DPP10: variants seen among roughly 807,000 people sequenced by gnomAD.
DPP10 encodes the protein dipeptidyl peptidase like 10.
A neutral mutation model predicts 120.9 loss-of-function variants in DPP10; 33 were observed. The observed-to-expected ratio is 0.27, with a 90% CI of 0.21 to 0.37. DPP10 has a LOEUF of 0.37. Ranked by LOEUF, DPP10 falls within the 10% of genes least tolerant of loss-of-function variation. The pLI, the probability that DPP10 is intolerant of heterozygous loss-of-function variation, is 1.00. For synonymous variants in DPP10, 337 were observed against 326.1 expected (o/e 1.03, Z -0.36); for missense variants, 816 against 942.8 (o/e 0.87, Z 1.76).
chr2:114,741,794 C>T (rs1284656725), intron 1 of DPP10, among the ~76,000 whole-genome samples: 1 of 152,088 alleles, frequency 6.6e-6, no homozygotes, highest in Non-Finnish European at 1.5e-5. Flanking sequence ...TGTCACAAGC[C>T]ACGGGGTGCC....
intron 7 of DPP10, among the ~76,000 whole-genome samples, chr2:115,718,431 A>G (rs1434802095): frequency 6.6e-6 from 1 of 152,212 alleles, no homozygotes; most frequent in East Asian, 1.9e-4. Flanking sequence ...AGAACCATGA[A>G]AAAAGTTATC....
intron 1 of DPP10, among the ~76,000 whole-genome samples, chr2:115,205,567 C>T (rs2056064580): frequency 6.6e-6 from 1 of 152,116 alleles, no homozygotes; most frequent in Non-Finnish European, 1.5e-5. Flanking sequence ...ACCAAAAAGA[C>T]ACGTGCATAT....
chr2:115,284,830 C>T (rs1339415921), intron 1 of DPP10, among the ~76,000 whole-genome samples: 2 of 151,906 alleles, frequency 1.3e-5, no homozygotes, highest in Non-Finnish European at 2.9e-5. Context: ...TCTACTTTAT[C>T]CTCTGGATTA....
intron 1 of DPP10, among the ~76,000 whole-genome samples, chr2:115,085,989 A>T (rs758087376): frequency 1.3e-4 from 19 of 151,928 alleles, no homozygotes; most frequent in African/African-American, 3.4e-4. Context: ...TTCCAATCTG[A>T]CTCTGGCATA....
At chr2:114,445,825 A>G (rs1677911756) in intron 1 of DPP10, among the ~76,000 whole-genome samples, 1 of 152,146 alleles carries the variant, frequency 6.6e-6, no homozygotes, top group Non-Finnish European at 1.5e-5. Flanking sequence ...TTTGGCAGGT[A>G]TGTTCCTATC....
chr2:114,900,694 T>G (rs1487887809), intron 1 of DPP10, among the ~76,000 whole-genome samples: 1 of 152,222 alleles, frequency 6.6e-6, no homozygotes, highest in African/African-American at 2.4e-5. Context: ...CAGAAGTCCC[T>G]AATTTTAATA....
intron 1 of DPP10, among the ~76,000 whole-genome samples, chr2:114,641,143 CGGT>C (rs949679126): frequency 4.9e-4 from 75 of 152,044 alleles, no homozygotes; most frequent in African/African-American, 1.6e-3. Context: ...AACAATAAAA[CGGT>C]GGCTCAGAGA....
intron 1 of DPP10, among the ~76,000 whole-genome samples, chr2:114,892,210 C>T (rs1208735209): frequency 6.6e-6 from 1 of 152,120 alleles, no homozygotes; most frequent in Admixed American, 6.5e-5. Flanking sequence ...GACTACACAC[C>T]ACACAAGGAT....
intron 1 of DPP10, among the ~76,000 whole-genome samples, chr2:115,093,036 C>G (rs992796819): frequency 6.6e-6 from 1 of 152,072 alleles, no homozygotes; most frequent in Non-Finnish European, 1.5e-5. Context: ...TTTTGCCACC[C>G]ATTAAGATAA....
chr2:115,743,756 CAAATA>C (rs1677593252), intron 9 of DPP10, among the ~76,000 whole-genome samples: 1 of 150,048 alleles, frequency 6.7e-6, no homozygotes, highest in African/African-American at 2.4e-5. Flanking sequence ...CAAAATAAGA[CAAATA>C]AAATGATACT....
At chr2:115,381,721 G>C (rs917121587) in intron 3 of DPP10, among the ~76,000 whole-genome samples, 11 of 152,128 alleles carry the variant, frequency 7.2e-5, no homozygotes, top group African/African-American at 2.7e-4. Flanking sequence ...TGATCTACAG[G>C]TGGGTTTTTG....
intron 3 of DPP10, among the ~76,000 whole-genome samples, chr2:115,359,718 T>A (rs1461513767): frequency 1.3e-5 from 2 of 152,160 alleles, no homozygotes; most frequent in African/African-American, 4.8e-5. Context: ...TTTTCCAAGT[T>A]GCTTACTCTC....
At chr2:115,777,986 T>G (rs927204568) in intron 15 of DPP10, 152 bp downstream of exon 15, 5 of 654,412 alleles carry the variant, frequency 7.6e-6, no homozygotes, top group African/African-American at 3.6e-5. Context: ...CTTGCACCAG[T>G]CTCTCCCTTG....
In DPP10 at chr2:114,819,973, AATC is replaced by A. The variant is rs138630442; in HGVS notation, c.60+377136_60+377138del. On this transcript the variant is annotated intron_variant, in intron 1 of 25. Transcript: ENST00000410059. ...GAATTGGAATGTTAATGTATTCAATAATCTATGAATTATACAGGTATGCTATAG... is the reference window on the plus strand; with the variant it reads ...GAATTGGAATGTTAATGTATTCAATATATGAATTATACAGGTATGCTATAG... 4.8e-3 allele frequency among the ~76,000 whole-genome samples: 727 copies of A among 152,322 alleles called. 8 individuals are homozygous for A. Among genetic ancestry groups the A allele is most frequent in the African/African-American group, 0.017 (703 of 41,566 alleles).
intron 1 of DPP10, among the ~76,000 whole-genome samples, chr2:115,224,549 C>T (rs1414856370): frequency 6.6e-6 from 1 of 151,844 alleles, no homozygotes; most frequent in African/African-American, 2.4e-5. Flanking sequence ...GGGAGATGAT[C>T]GTCAAAGGAC....
chr2:114,556,609 G>A (rs1003538259), intron 1 of DPP10, among the ~76,000 whole-genome samples: 7 of 152,220 alleles, frequency 4.6e-5, no homozygotes, highest in Non-Finnish European at 1.0e-4. Flanking sequence ...AGTGGGGCTG[G>A]TATTTGGAAG....
At position 115,313,814 on chromosome 2, in the gene DPP10, A is replaced by G. The variant is rs911822983; in HGVS notation, c.175+4461A>G. On this transcript the variant is annotated intron_variant, in intron 2 of 25. Coordinates refer to ENST00000410059, the MANE Select transcript of DPP10 (RefSeq NM_020868.6). ...CATTTCATTTTATAAGTATTTCTGA[A>G]AGGAACAAATTATTCATTCCATTTT... Among the ~76,000 whole-genome samples the G allele has an allele frequency of 2.7e-4, 41 of 152,194 alleles. 1 individual carries two copies. Among genetic ancestry groups the G allele is most frequent in the Admixed American group, 2.0e-3 (31 of 15,272 alleles).
intron 8 of DPP10, among the ~76,000 whole-genome samples, chr2:115,736,811 G>C (rs1319636231): frequency 6.6e-6 from 1 of 152,242 alleles, no homozygotes; most frequent in South Asian, 2.1e-4. Context: ...ACATGTACTT[G>C]GCAGTCATCT....
intron 3 of DPP10, among the ~76,000 whole-genome samples, chr2:115,498,455 G>A (rs2076517533): frequency 6.6e-6 from 1 of 151,762 alleles, no homozygotes; most frequent in African/African-American, 2.4e-5. Flanking sequence ...TTATAACTTT[G>A]CAAGTGGAGA....
Sources: gnomAD v4.1 joint callset for allele counts (sites outside exome capture counted in the v4.1 genomes callset) on GRCh38, gnomAD v4.1.1 for gene constraint, MANE v1.5 for transcripts, NCBI Gene and HGNC (gene_info 2026-07-23, HGNC 2026-07-21) for gene names.